The following ZNF385D variants were observed in gnomAD, a reference collection of about 807,000 sequenced individuals.
ZNF385D encodes the protein zinc finger protein 385D.
Under a neutral mutation model 35.8 loss-of-function variants are expected in ZNF385D, and 15 were observed. The ratio of observed to expected loss-of-function variants is 0.42; its 90% confidence interval spans 0.28 to 0.64. The LOEUF is 0.64. ZNF385D is among the 30% of genes least tolerant of loss of function. The pLI is 0.23. For missense variants in ZNF385D, 474 were observed against 494.6 expected, an observed-to-expected ratio of 0.96 and a Z score of 0.39; for synonymous variants, 212 against 186.8, an observed-to-expected ratio of 1.13 and a Z score of -1.10.
intron 3 of ZNF385D, among the ~76,000 whole-genome samples, chr3:22,109,918 C>T (rs1463952553): frequency 6.6e-6 from 1 of 152,122 alleles, no homozygotes; most frequent in Non-Finnish European, 1.5e-5. Context: ...TATCCAGAAT[C>T]TACAATGAAC....
At chr3:21,775,130 G>A (rs543400196) in intron 3 of ZNF385D, among the ~76,000 whole-genome samples, 9 of 151,842 alleles carry the variant, frequency 5.9e-5, no homozygotes, top group Admixed American at 2.0e-4. Context: ...GACTCAAGAA[G>A]CAGGAAATCA....
At chr3:22,010,380 G>T (rs1300869707) in intron 3 of ZNF385D, among the ~76,000 whole-genome samples, 2 of 152,122 alleles carry the variant, frequency 1.3e-5, no homozygotes, top group Non-Finnish European at 2.9e-5. Flanking sequence ...AATCATTTCT[G>T]CCTTATCAAG....
chr3:21,760,056 T>C (rs923808695), intron 3 of ZNF385D, among the ~76,000 whole-genome samples: 4 of 152,188 alleles, frequency 2.6e-5, no homozygotes, highest in African/African-American at 7.2e-5. Context: ...ATAAAGGAAG[T>C]GTGTAATGGG....
intron 2 of ZNF385D, among the ~76,000 whole-genome samples, chr3:21,658,246 C>T (rs1006532265): frequency 1.3e-5 from 2 of 151,998 alleles, no homozygotes; most frequent in Non-Finnish European, 2.9e-5. Flanking sequence ...TTTGTAAGTA[C>T]ATTCTTTGGG....
chr3:21,724,971 TAACA>T (rs200033699), intron 1 of ZNF385D, among the ~76,000 whole-genome samples: 2,622 of 152,134 alleles, frequency 0.017, 32 homozygotes, highest in South Asian at 0.027. Flanking sequence ...ACAGAAATAA[TAACA>T]AACAGTCTCT....
At chr3:21,447,888 A>G (rs1575162968) in intron 4 of ZNF385D, among the ~76,000 whole-genome samples, 1 of 152,300 alleles carries the variant, frequency 6.6e-6, no homozygotes, top group Admixed American at 6.5e-5. Flanking sequence ...TTTGTACTGT[A>G]GAGCTGTCTT....
intron 5 of ZNF385D, among the ~76,000 whole-genome samples, chr3:21,433,641 T>C (rs1701408263): frequency 2.0e-5 from 3 of 152,152 alleles, no homozygotes; most frequent in Admixed American, 6.5e-5. Flanking sequence ...ATGCAGACAA[T>C]AGTGGGGTAT....
intron 3 of ZNF385D, among the ~76,000 whole-genome samples, chr3:22,160,736 G>C (rs183028881): frequency 3.9e-5 from 6 of 151,972 alleles, no homozygotes; most frequent in Admixed American, 3.3e-4. Flanking sequence ...AGATAAAGCT[G>C]AATTATTTGA....
In ZNF385D at chr3:21,765,644, A is replaced by AAC. The variant is rs1250546522; in HGVS notation, c.326-100617_326-100616insGT. Among the ~76,000 whole-genome samples the AAC allele has an allele frequency of 5.2e-5, 3 of 57,548 alleles. No individual in the cohort carries two copies. The East Asian group carries it at 2.0e-3, about 39-fold the overall frequency. 37.8% of individuals were successfully genotyped at this position (57,548 alleles called of 152,430 possible). ...TGCAAGATGGATAAGCAACAACAACAAAAAAAAAATAGAAAGAGGAAGAAA... is the reference window on the plus strand; with the variant it reads ...TGCAAGATGGATAAGCAACAACAACAACAAAAAAAAATAGAAAGAGGAAGAAA... On this transcript the variant is annotated intron_variant, in intron 3 of 5. Transcript: ENST00000494108.
chr3:21,886,425 G>GC (rs1362142336), intron 3 of ZNF385D, among the ~76,000 whole-genome samples: 1 of 151,878 alleles, frequency 6.6e-6, no homozygotes, highest in Non-Finnish European at 1.5e-5. Context: ...TTTGAACTGA[G>GC]CCCTTTCTGC....
intron 2 of ZNF385D, among the ~76,000 whole-genome samples, chr3:22,261,074 G>T (rs1700602268): frequency 6.6e-6 from 1 of 150,782 alleles, no homozygotes; most frequent in Non-Finnish European, 1.5e-5. Flanking sequence ...TAATCACTGT[G>T]TTTTGCCTAC....
intron 4 of ZNF385D, among the ~76,000 whole-genome samples, chr3:21,477,246 A>T (rs1300098608): frequency 2.6e-5 from 4 of 152,040 alleles, no homozygotes; most frequent in East Asian, 1.9e-4. Flanking sequence ...AAAACAAAAC[A>T]AAACTAAACA....
intron 5 of ZNF385D, among the ~76,000 whole-genome samples, chr3:21,430,767 T>C (rs1701257969): frequency 6.6e-6 from 1 of 152,104 alleles, no homozygotes; most frequent in African/African-American, 2.4e-5. Context: ...CCATGGAAAA[T>C]ACCACATTGC....
rs186390486 is a variant in ZNF385D at position 21,700,014 on chromosome 3, T to A, written c.23-34986A>T. ...GCCCAGCTAATTTTTGTATTTTTAG[T>A]AGAGACAGGGTTTCACCGTGTTGGC... On this transcript the variant is annotated intron_variant, in intron 1 of 7. Coordinates refer to ENST00000281523, the MANE Select transcript of ZNF385D (RefSeq NM_024697.3). Among the ~76,000 whole-genome samples the A allele has an allele frequency of 2.3e-3, 345 of 152,124 alleles. 2 individuals are homozygous for A. Among genetic ancestry groups the A allele is most frequent in the Middle Eastern group, 0.014 (4 of 294 alleles).
At chr3:22,241,970 C>T (rs1018550458) in intron 2 of ZNF385D, among the ~76,000 whole-genome samples, 3 of 148,888 alleles carry the variant, frequency 2.0e-5, no homozygotes, top group African/African-American at 7.5e-5. Flanking sequence ...CTCCCATTCG[C>T]AAGAACAAAA....
chr3:21,675,935 TTAA>T (rs2066710492), intron 1 of ZNF385D, among the ~76,000 whole-genome samples: 1 of 152,126 alleles, frequency 6.6e-6, no homozygotes, highest in Non-Finnish European at 1.5e-5. Flanking sequence ...CTAATTCTAC[TTAA>T]TGATGATAGC....
chr3:22,131,119 G>A (rs1420420442), intron 3 of ZNF385D, among the ~76,000 whole-genome samples: 1 of 152,060 alleles, frequency 6.6e-6, no homozygotes, highest in South Asian at 2.1e-4. Context: ...AAATGTATAA[G>A]ATAATGGAAA....
At chr3:21,989,418 A>G (rs1012848920) in intron 3 of ZNF385D, among the ~76,000 whole-genome samples, 2 of 152,184 alleles carry the variant, frequency 1.3e-5, no homozygotes, top group African/African-American at 2.4e-5. Flanking sequence ...TTCTGACACA[A>G]TGCACTGATG....
chr3:21,755,785 T>G (rs1210899689), upstream of ZNF385D, among the ~76,000 whole-genome samples: 2 of 152,206 alleles, frequency 1.3e-5, no homozygotes, highest in Admixed American at 1.3e-4. Context: ...TTCAACATTT[T>G]TGAATAAATT....
Sources: allele counts gnomAD v4.1 joint callset (sites outside exome capture counted in the v4.1 genomes callset), GRCh38; gene constraint gnomAD v4.1.1; transcripts MANE v1.5; gene names NCBI Gene and HGNC (gene_info 2026-07-23, HGNC 2026-07-21).